The following TXLNB variants were observed in gnomAD, a reference collection of about 807,000 sequenced individuals.
TXLNB encodes taxilin beta.
Under a neutral mutation model 57.4 loss-of-function variants are expected in TXLNB, and 37 were observed. That is an observed-to-expected ratio of 0.64 (90% CI 0.50 to 0.85). The LOEUF (loss-of-function observed/expected upper bound fraction) is 0.85, where lower values mean the gene tolerates loss of function less well. TXLNB is among the 40% of genes least tolerant of loss of function. The pLI is 0.00. For synonymous variants in TXLNB, 302 were observed against 309.6 expected, an observed-to-expected ratio of 0.98 and a Z score of 0.26; for missense variants, 848 against 825.6, an observed-to-expected ratio of 1.03 and a Z score of -0.33.
At chr6:139,236,736 C>G (rs559828043), downstream of TXLNB, among the ~76,000 whole-genome samples, 54 of 152,248 alleles carry the variant, frequency 3.5e-4, no homozygotes, top group Non-Finnish European at 7.8e-4. Context: ...TCCCAAGTAG[C>G]TGGGACCACA....
At chr6:139,299,979 TCTAA>T in the TXLNB span, among the ~76,000 whole-genome samples, 19 of 152,176 alleles carry the variant, frequency 1.2e-4, no homozygotes, top group African/African-American at 2.4e-4. Flanking sequence ...TTTGAGGTTT[TCTAA>T]CTAACTAACT....
chr6:139,317,544 C>A, the TXLNB span, among the ~76,000 whole-genome samples: 1 of 152,068 alleles, frequency 6.6e-6, no homozygotes, highest in East Asian at 1.9e-4. Context: ...GGACTACAGG[C>A]GCCCGCCACC....
the TXLNB span, among the ~76,000 whole-genome samples, chr6:139,164,873 G>C: frequency 6.9e-6 from 1 of 145,306 alleles, no homozygotes; most frequent in African/African-American, 2.6e-5. Flanking sequence ...CCTGCACTAT[G>C]AGACTCTCAG....
the TXLNB span, chr6:139,167,216 C>T: frequency 1.2e-6 from 2 of 1,614,188 alleles, no homozygotes; most frequent in Non-Finnish European, 1.7e-6. Context: ...TGCCCTGTGC[C>T]ACCGGGCGCT....
the TXLNB span, among the ~76,000 whole-genome samples, chr6:139,198,480 C>T: frequency 4.9e-4 from 74 of 152,132 alleles, no homozygotes; most frequent in Middle Eastern, 0.01. Context: ...GCCGGGGTGC[C>T]TACCTCCAGA....
intron 3 of TXLNB, 50 bp from the exon 4 acceptor site, chr6:139,270,676 G>A: frequency 2.6e-6 from 4 of 1,547,016 alleles, no homozygotes; most frequent in Non-Finnish European, 3.5e-6. Context: ...GGATCTCCTT[G>A]GAGTGGATAG....
chr6:139,314,224 T>G, the TXLNB span, among the ~76,000 whole-genome samples: 1 of 152,198 alleles, frequency 6.6e-6, no homozygotes, highest in Non-Finnish European at 1.5e-5. Context: ...GAGATTTAAC[T>G]AAGACTCTGG....
chr6:139,261,361 TA>T lies in TXLNB; in HGVS notation c.883-925del, dbSNP rs1776477191. Reference sequence around the variant, plus strand: ...ATGGTAGCATGGCATTTTGGCTTACTATTAGGAGTTTCTTGATTTACCTAAC... The same window carrying T: ...ATGGTAGCATGGCATTTTGGCTTACTTTAGGAGTTTCTTGATTTACCTAAC... On this transcript the variant is annotated intron_variant, in intron 5 of 9. Coordinates refer to ENST00000358430, the MANE Select transcript of TXLNB (RefSeq NM_153235.4). Among the ~76,000 whole-genome samples the T allele has an allele frequency of 2.6e-5, 4 of 152,310 alleles. No homozygotes were observed. The South Asian group carries it at 8.3e-4, about 32-fold the overall frequency.
downstream of TXLNB, among the ~76,000 whole-genome samples, chr6:139,237,793 A>C (rs1409644761): frequency 2.0e-5 from 3 of 151,958 alleles, no homozygotes; most frequent in African/African-American, 2.4e-5. Flanking sequence ...TATATCACTT[A>C]AAAAAAAGTC....
the TXLNB span, chr6:139,177,839 T>C: frequency 6.6e-6 from 1 of 152,200 alleles, no homozygotes; most frequent in Non-Finnish European, 1.5e-5. The surrounding 1 kb of genome is among the most constrained non-coding windows in gnomAD (Gnocchi z 4.9). Flanking sequence ...GTCTTTGAAG[T>C]TGGTAATATA....
In TXLNB at chr6:139,288,564, T is replaced by A. The variant is rs962681871; in HGVS notation, c.336A>T (p.Glu112Asp). Residue 112 changes from glutamate (E) to aspartate (D), a missense_variant, in exon 2 of 10, where the codon GAA (glutamate) becomes GAT (aspartate). By Grantham distance (45) the Glu-to-Asp change is conservative. Coordinates refer to ENST00000358430, the MANE Select transcript of TXLNB (RefSeq NM_153235.4). ...TGGGTGGCTCTCCAGAAGCAACGGG[T>A]TCTCTTCCAGCCTCTTCAGTTGTTT... ...CEETTEEAGR[E>D]PVASGEPPTV... 9.3e-6 allele frequency: 15 copies of A among 1,614,068 alleles called. No homozygotes were observed. Among genetic ancestry groups the A allele is most frequent in the African/African-American group, 8.0e-5 (6 of 74,920 alleles).
intron 7 of TXLNB, among the ~76,000 whole-genome samples, chr6:139,254,026 G>A (rs116042451): frequency 2.2e-3 from 330 of 152,196 alleles, no homozygotes; most frequent in African/African-American, 5.6e-3. Context: ...GATGAGTTCC[G>A]TGACTGCCTA....
chr6:139,293,456 A>G (rs1450284700), upstream of TXLNB, among the ~76,000 whole-genome samples: 1 of 151,878 alleles, frequency 6.6e-6, no homozygotes, highest in Non-Finnish European at 1.5e-5. Context: ...AGATTTGATG[A>G]CCTCAGCATA....
the TXLNB span, among the ~76,000 whole-genome samples, chr6:139,196,315 C>T: frequency 3.5e-5 from 5 of 143,456 alleles, no homozygotes; most frequent in African/African-American, 1.0e-4. Context: ...CCTTATCATA[C>T]TATTTTTATA....
chr6:139,315,182 A>AC, the TXLNB span, among the ~76,000 whole-genome samples: 13 of 151,432 alleles, frequency 8.6e-5, no homozygotes, highest in Non-Finnish European at 1.5e-4. Context: ...CCTCATTTTG[A>AC]CCCCCTATGA....
chr6:139,177,028 C>T, the TXLNB span: 1 of 872,778 alleles, frequency 1.1e-6, no homozygotes, highest in Non-Finnish European at 2.0e-6. The surrounding 1 kb of genome is among the most constrained non-coding windows in gnomAD (Gnocchi z 4.9). Flanking sequence ...CAACGTCCAG[C>T]AGTGTCCACA....
At chr6:139,177,290 G>T in the TXLNB span, 1 of 474,272 alleles carries the variant, frequency 2.1e-6, no homozygotes, top group South Asian at 3.5e-5. This position sits in a 1 kb window ranked among gnomAD's most constrained non-coding sequence, Gnocchi z 4.9. Flanking sequence ...TTAATCTGTG[G>T]TTTTGACCAG....
chr6:139,221,278 C>A, the TXLNB span, among the ~76,000 whole-genome samples: 1 of 152,056 alleles, frequency 6.6e-6, no homozygotes, highest in South Asian at 2.1e-4. Context: ...ACACTCCATG[C>A]TTTTAGTTGG....
At chr6:139,175,822 A>C in the TXLNB span, among the ~76,000 whole-genome samples, 68 of 152,344 alleles carry the variant, frequency 4.5e-4, no homozygotes, top group Non-Finnish European at 7.3e-4. Flanking sequence ...GCATCCTGCC[A>C]CACCCAGCCT....
Sources: allele counts gnomAD v4.1 joint callset (sites outside exome capture counted in the v4.1 genomes callset), GRCh38; gene constraint gnomAD v4.1.1; non-coding constraint Gnocchi (gnomAD v3.1); transcripts MANE v1.5; gene names NCBI Gene and HGNC (gene_info 2026-07-23, HGNC 2026-07-21).